Variants in CFAP65 observed in about 807,000 individuals in gnomAD.
The protein encoded by CFAP65 is cilia- and flagella-associated protein 65.
A neutral mutation model predicts 208.0 loss-of-function variants in CFAP65; 155 were observed. That is an observed-to-expected ratio of 0.75 (90% CI 0.65 to 0.85). The LOEUF (loss-of-function observed/expected upper bound fraction) is 0.85. Ranked by LOEUF, CFAP65 falls within the 40% of genes least tolerant of loss-of-function variation. CFAP65 has a pLI of 0.00. For missense variants in CFAP65, 2,294 were observed against 2,451.3 expected, an observed-to-expected ratio of 0.94 and a Z score of 1.36; for synonymous variants, 970 against 986.3, an observed-to-expected ratio of 0.98 and a Z score of 0.31.
intron 31 of CFAP65, 24 bp downstream of exon 31, chr2:219,005,997 A>AC: frequency 6.2e-7 from 1 of 1,606,800 alleles, no homozygotes; most frequent in South Asian, 1.1e-5. Flanking sequence ...GAGGAAGGTG[A>AC]CCCCTGCCTT....
Position 219,036,269 on chromosome 2 carries a change from G to A in CFAP65, c.358-605C>T, listed in dbSNP as rs564250756. ...GATTGATGCTAGTGCTGCCATGTGC[G>A]GCGTCTCCATCTATAATGGAAAATC... On this transcript the variant is annotated intron_variant, in intron 4 of 34. Transcript: ENST00000341552. Among the ~76,000 whole-genome samples, 261 of 152,138 alleles carry A rather than the reference G, an allele frequency of 1.7e-3. 1 individual carries two copies. Among genetic ancestry groups the A allele is most frequent in the Non-Finnish European group, 2.6e-3 (174 of 67,994 alleles).
rs1030189566 is a variant in CFAP65 at position 219,013,433 on chromosome 2, C to A, written c.3847-64G>T. Reference sequence around the variant, plus strand: ...AGTGGAGATCTGGACCCCAGTTCCCCAGGAGAACACAGCTCCCTGCTCCTG... The same window carrying A: ...AGTGGAGATCTGGACCCCAGTTCCCAAGGAGAACACAGCTCCCTGCTCCTG... On this transcript the variant is annotated intron_variant, in intron 23 of 34. Transcript: ENST00000341552. The A allele has an allele frequency of 2.0e-5, 31 of 1,542,290 alleles. 1 individual carries two copies. In the Admixed American group the frequency reaches 5.3e-4, roughly 27 times the overall value.
At chr2:219,036,902 T>C (rs1399602780) in intron 4 of CFAP65, among the ~76,000 whole-genome samples, 1 of 152,246 alleles carries the variant, frequency 6.6e-6, no homozygotes, top group Non-Finnish European at 1.5e-5. Flanking sequence ...GACAAATCCC[T>C]TTTCTCTTGG....
In CFAP65 at chr2:219,010,622, C is replaced by A. The variant is rs767425529; in HGVS notation, c.4232G>T (p.Gly1411Val). 6.2e-7 allele frequency: 1 copy of A among 1,612,188 alleles called. No homozygotes were observed. The change falls in exon 26 of 35, where the codon GGG (glycine) becomes GTG (valine). Residue 1411 changes from glycine to valine, a missense_variant. Gly to Val is a moderately radical substitution (Grantham distance 109). Around this residue, in one of 2 missense-constraint regions of CFAP65, gnomAD observed 1,427 missense variants for 1,438.7 expected, o/e 0.99. Coordinates refer to ENST00000341552, the MANE Select transcript of CFAP65 (RefSeq NM_194302.4). ...GATGTTGTGGAATGGGGCTGTGTCC[C>A]CCATCATATGGGGGTTGTAGCCCAC... ...QGVGYNPHMM[G>V]DTAPFHNISS...
intron 30 of CFAP65, 80 bp downstream of exon 30, chr2:219,006,385 G>A: frequency 6.4e-7 from 1 of 1,558,098 alleles, no homozygotes; most frequent in African/African-American, 1.4e-5. Context: ...TCTGGTCCAG[G>A]GGTTGGAGGT....
chr2:219,019,049 A>AC lies in CFAP65; in HGVS notation c.3602+1dup, dbSNP rs1559134382. 6.2e-7 allele frequency: 1 copy of AC among 1,614,142 alleles called. No homozygotes were observed. The highest frequency in any genetic ancestry group is 1.3e-5 in the African/African-American group (1 of 75,048). On this transcript the variant is annotated splice_donor_variant, in intron 21 of 34. Transcript: ENST00000341552. LOFTEE classifies it high-confidence loss of function. The stretch of plus-strand genomic sequence containing the variant: ...CCCCCAGTGGCCCCCTTCAAGCCAT[A>AC]CCAGTCCAGGGACACCACTCCGCTG...
chr2:219,019,750 G>T, intron 19 of CFAP65, 31 bp from the exon 20 acceptor site: 5 of 1,596,048 alleles, frequency 3.1e-6, no homozygotes, highest in Non-Finnish European at 4.3e-6. Context: ...GACAGAAGTG[G>T]GCTTGCCTCC....
rs1947383821 is a variant in CFAP65 at position 219,023,193 on chromosome 2, G to A, written c.2820+14C>T. The A allele has an allele frequency of 1.2e-6, 2 of 1,605,922 alleles. No homozygotes were observed. The highest frequency in any genetic ancestry group is 4.5e-5 in the East Asian group (2 of 44,804). Reference sequence around the variant, plus strand: ...TGAAGGTTGCCGTCACTCGGCAGGAGGGGAGCCACTCACAAGTCTCTCGTT... The same window carrying A: ...TGAAGGTTGCCGTCACTCGGCAGGAAGGGAGCCACTCACAAGTCTCTCGTT... On this transcript the variant is annotated intron_variant, in intron 16 of 34. Coordinates refer to ENST00000341552, the MANE Select transcript of CFAP65 (RefSeq NM_194302.4).
intron 32 of CFAP65, among the ~76,000 whole-genome samples, chr2:219,005,174 C>G (rs1336566695): frequency 1.3e-5 from 2 of 152,018 alleles, no homozygotes; most frequent in East Asian, 1.9e-4. Flanking sequence ...TGCAGGCATG[C>G]ACCACCATGT....
At position 219,028,216 on chromosome 2, in the gene CFAP65, G is replaced by C. The variant is rs1559149991; in HGVS notation, c.1836C>G (p.Leu612=). ...KKLAQDQNGA[L]MIPIQDLEDM... ...GGCACTGTACCTGGATGGGAATCAT[G>C]AGAGCCCCGTTCTGGTCCTGTGCCA... The change falls in exon 12 of 35, where the codon CTC becomes CTG. Residue 612 remains leucine, a synonymous_variant. Transcript: ENST00000341552. 2 of 1,614,008 alleles carry C rather than the reference G, an allele frequency of 1.2e-6. No homozygotes were observed. Among genetic ancestry groups the C allele is most frequent in the African/African-American group, 1.3e-5 (1 of 75,024 alleles).
intron 5 of CFAP65, 123 bp downstream of exon 5, chr2:219,035,357 C>T: frequency 6.3e-7 from 1 of 1,580,944 alleles, no homozygotes; most frequent in Non-Finnish European, 8.6e-7. Flanking sequence ...GTATTTTAAA[C>T]ACTCACTGGC....
At chr2:219,036,739 C>T (rs576516519) in intron 4 of CFAP65, among the ~76,000 whole-genome samples, 3 of 152,164 alleles carry the variant, frequency 2.0e-5, no homozygotes, top group Non-Finnish European at 2.9e-5. Context: ...CCATCATGCC[C>T]GGCCAGCATT....
chr2:219,017,594 C>G (rs934275624), intron 21 of CFAP65, among the ~76,000 whole-genome samples: 8 of 152,282 alleles, frequency 5.3e-5, no homozygotes, highest in African/African-American at 1.9e-4. Context: ...TGCCTTCCTG[C>G]ACCTCAGATG....
At chr2:219,026,493 G>A (rs926051019) in intron 13 of CFAP65, 9 of 220,518 alleles carry the variant, frequency 4.1e-5, no homozygotes, top group Admixed American at 3.4e-4. Flanking sequence ...AATGCCAGCC[G>A]CAAATGTCAT....
intron 21 of CFAP65, chr2:219,018,494 G>A (rs907098822): frequency 3.9e-5 from 6 of 152,578 alleles, no homozygotes; most frequent in East Asian, 3.9e-4. Context: ...CTGGGGCTCC[G>A]TCAGGCGGGC....
At position 219,030,667 on chromosome 2, in the gene CFAP65, G is replaced by A. The variant is rs373221143; in HGVS notation, c.1161+22C>T. On this transcript the variant is annotated intron_variant, in intron 9 of 34. Transcript: ENST00000341552. Reference sequence around the variant, plus strand: ...CAATCCTGGGGGCGTGAGTCCTGCCGCCCCTCCTGCCTGGTGCCTACCGCC... The same window carrying A: ...CAATCCTGGGGGCGTGAGTCCTGCCACCCCTCCTGCCTGGTGCCTACCGCC... 1.1e-4 allele frequency: 183 copies of A among 1,607,250 alleles called. 1 individual carries two copies. The highest frequency in any genetic ancestry group is 1.5e-4 in the Non-Finnish European group (179 of 1,176,062).
chr2:219,035,485 C>T lies in CFAP65; in HGVS notation c.537G>A (p.Lys179=). 3.1e-6 allele frequency: 5 copies of T among 1,614,072 alleles called. No homozygotes were observed. The highest frequency in any genetic ancestry group is 2.5e-6 in the Non-Finnish European group (3 of 1,180,012). ...TTGATCCCTTATACTGGTACCTGTA[C>T]TTCATCTTCTGGAGTTTCAAGGATC... ...KNRSLKLQKM[K]YRPPKTKFFF... is the part of the protein sequence containing the mutation. The change falls in exon 5 of 35, where the codon AAG becomes AAA. Residue 179 remains lysine (K), a synonymous_variant. Coordinates refer to ENST00000341552, the MANE Select transcript of CFAP65 (RefSeq NM_194302.4).
intron 18 of CFAP65, 123 bp from the exon 19 acceptor site, chr2:219,021,403 G>T (rs1050886304): frequency 1.6e-6 from 2 of 1,212,258 alleles, no homozygotes; most frequent in African/African-American, 1.6e-5. Flanking sequence ...CAGGAAACAG[G>T]GAGTGGAGCC....
intron 11 of CFAP65, 76 bp downstream of exon 11, chr2:219,029,327 C>T: frequency 6.5e-7 from 1 of 1,536,334 alleles, no homozygotes; most frequent in Non-Finnish European, 8.8e-7. Flanking sequence ...GGGAAGTGCC[C>T]ACCAAGCCTT....
Sources: allele counts gnomAD v4.1 joint callset (sites outside exome capture counted in the v4.1 genomes callset), GRCh38; gene constraint gnomAD v4.1.1; regional missense constraint gnomAD v4.1.1; transcripts MANE v1.5; gene names NCBI Gene and HGNC (gene_info 2026-07-23, HGNC 2026-07-21).